ATP6V0A1: variants seen among roughly 807,000 people sequenced by gnomAD.
ATP6V0A1 encodes V-type proton ATPase 116 kDa subunit a 1.
Under a neutral mutation model 105.4 loss-of-function variants are expected in ATP6V0A1, and 43 were observed. The ratio of observed to expected loss-of-function variants is 0.41; its 90% CI spans 0.32 to 0.53. The LOEUF is 0.53. Among genes scored for constraint, ATP6V0A1 ranks in the 20% least tolerant of loss-of-function variants. The probability of loss-of-function intolerance (pLI) is 0.30; values close to 1 mark genes in which losing one functional copy is unlikely to be tolerated. For missense variants in ATP6V0A1, 676 were observed against 1,051.1 expected (o/e 0.64, Z 4.93); for synonymous variants, 362 against 372.8 (o/e 0.97, Z 0.33).
chr17:42,499,525 C>T (rs143162798), intron 15 of ATP6V0A1, among the ~76,000 whole-genome samples: 54 of 151,760 alleles, frequency 3.6e-4, no homozygotes, highest in African/African-American at 1.2e-3. Flanking sequence ...CAGTGGCTTA[C>T]ACTTGTAATC....
intron 2 of ATP6V0A1, among the ~76,000 whole-genome samples, chr17:42,465,254 A>G (rs2086901347): frequency 6.6e-6 from 1 of 151,202 alleles, no homozygotes; most frequent in South Asian, 2.1e-4. Context: ...TCAGCTTCCC[A>G]AAGTGCTAGG....
At chr17:42,495,522 A>C in intron 13 of ATP6V0A1, 104 bp from the exon 14 acceptor site, 1 of 869,084 alleles carries the variant, frequency 1.2e-6, no homozygotes, top group Non-Finnish European at 1.8e-6. Flanking sequence ...ATTTTATTGA[A>C]GAGACAAGAT....
chr17:42,467,755 G>A (rs2087292278), intron 3 of ATP6V0A1, among the ~76,000 whole-genome samples: 1 of 152,116 alleles, frequency 6.6e-6, no homozygotes, highest in Non-Finnish European at 1.5e-5. Context: ...ACCTGAAGAA[G>A]GAAAGAAGGC....
intron 10 of ATP6V0A1, among the ~76,000 whole-genome samples, chr17:42,489,160 C>T (rs187136687): frequency 1.3e-5 from 2 of 150,966 alleles, no homozygotes; most frequent in East Asian, 4.0e-4. Context: ...GCAACCTCCA[C>T]CCTCCACCTC....
intron 5 of ATP6V0A1, among the ~76,000 whole-genome samples, chr17:42,472,051 C>CTTTTTTTTTTTTTTTTTT (rs11428880): frequency 7.7e-6 from 1 of 129,946 alleles, no homozygotes; most frequent in Non-Finnish European, 1.6e-5. Flanking sequence ...TATAGAGGCC[C>CTTTTTTTTTTTTTTTTTT]TTTTTTTTTT....
intron 10 of ATP6V0A1, among the ~76,000 whole-genome samples, chr17:42,488,707 C>T (rs2090340445): frequency 6.6e-6 from 1 of 151,236 alleles, no homozygotes; most frequent in Admixed American, 6.6e-5. Context: ...GAGTGATCTG[C>T]CTTCCTTGGC....
At chr17:42,508,145 G>A (rs1372214773) in intron 18 of ATP6V0A1, among the ~76,000 whole-genome samples, 3 of 152,132 alleles carry the variant, frequency 2.0e-5, no homozygotes, top group African/African-American at 7.2e-5. Flanking sequence ...GAGAGAATTA[G>A]GCCAAACTAG....
intron 2 of ATP6V0A1, among the ~76,000 whole-genome samples, chr17:42,463,507 T>A (rs2145629989): frequency 6.6e-6 from 1 of 152,366 alleles, no homozygotes; most frequent in East Asian, 1.9e-4. Context: ...GTATCCGTAG[T>A]TCATTTTTAA....
intron 10 of ATP6V0A1, among the ~76,000 whole-genome samples, chr17:42,489,741 C>T (rs183591945): frequency 9.9e-5 from 15 of 152,030 alleles, no homozygotes; most frequent in Admixed American, 2.0e-4. Flanking sequence ...AGTTCAGTTC[C>T]GGGCACATTG....
chr17:42,490,872 T>C (rs1365424632), intron 11 of ATP6V0A1, among the ~76,000 whole-genome samples: 2 of 151,818 alleles, frequency 1.3e-5, no homozygotes. Flanking sequence ...ATTTTATGAT[T>C]TTTTTTTGAC....
intron 18 of ATP6V0A1, among the ~76,000 whole-genome samples, chr17:42,507,973 A>C (rs2092129329): frequency 6.6e-6 from 1 of 152,196 alleles, no homozygotes; most frequent in African/African-American, 2.4e-5. Flanking sequence ...GTCACTAAGC[A>C]CAGCTTCTTC....
Position 42,473,985 on chromosome 17 carries a change from TG to T in ATP6V0A1, c.424-3671del, listed in dbSNP as rs531951845. 1.9e-3 allele frequency among the ~76,000 whole-genome samples: 284 copies of T among 152,062 alleles called. 1 individual carries two copies. The highest frequency in any genetic ancestry group is 6.4e-3 in the African/African-American group (266 of 41,500). On this transcript the variant is annotated intron_variant, in intron 5 of 21. Coordinates refer to ENST00000343619, the MANE Select transcript of ATP6V0A1 (RefSeq NM_001130021.3). ...CATGATCTTTGTGCCCTTTTCATGC[TG>T]GGGTTGTTTTCCCTCTCCTATTTTT...
At chr17:42,505,623 C>T (rs2091971370) in intron 17 of ATP6V0A1, among the ~76,000 whole-genome samples, 1 of 152,082 alleles carries the variant, frequency 6.6e-6, no homozygotes, top group Non-Finnish European at 1.5e-5. Context: ...CAGGTGTGAG[C>T]CACTGTGCCC....
At chr17:42,514,631 G>A (rs945655227) in intron 21 of ATP6V0A1, among the ~76,000 whole-genome samples, 171 bp downstream of exon 21, 4 of 152,110 alleles carry the variant, frequency 2.6e-5, no homozygotes, top group Admixed American at 1.3e-4. Context: ...ACAGAGTTTC[G>A]GAAAATGGTC....
chr17:42,468,226 G>A (rs2087373026), intron 4 of ATP6V0A1, 119 bp downstream of exon 4: 2 of 557,354 alleles, frequency 3.6e-6, no homozygotes, highest in African/African-American at 2.0e-5. Context: ...TCTACTGATT[G>A]TAAGTTTCTT....
chr17:42,480,881 C>A, intron 8 of ATP6V0A1, 132 bp downstream of exon 8: 1 of 715,822 alleles, frequency 1.4e-6, no homozygotes, highest in Non-Finnish European at 2.2e-6. Flanking sequence ...ATGTTAGGGG[C>A]TATTTTAATC....
At chr17:42,468,849 T>A (rs1303230658) in intron 4 of ATP6V0A1, among the ~76,000 whole-genome samples, 1 of 71,402 alleles carries the variant, frequency 1.4e-5, no homozygotes, top group African/African-American at 3.1e-5. Context: ...TCTACTATTT[T>A]ATTTTATTTT....
intron 2 of ATP6V0A1, among the ~76,000 whole-genome samples, chr17:42,465,310 AC>A (rs2145655295): frequency 1.3e-5 from 2 of 151,202 alleles, no homozygotes; most frequent in South Asian, 4.2e-4. Flanking sequence ...TTTTTTTGAG[AC>A]AAGAGTCTCA....
intron 7 of ATP6V0A1, chr17:42,480,151 T>G (rs1259083372): frequency 6.6e-6 from 1 of 152,232 alleles, no homozygotes; most frequent in Non-Finnish European, 1.5e-5. Flanking sequence ...ATACTTCAGG[T>G]ATAAATTTGG....
Sources: allele counts gnomAD v4.1 joint callset (sites outside exome capture counted in the v4.1 genomes callset), GRCh38; gene constraint gnomAD v4.1.1; transcripts MANE v1.5; gene names NCBI Gene and HGNC (gene_info 2026-07-23, HGNC 2026-07-21).